The following RNF144B variants were observed in gnomAD, a reference collection of about 807,000 sequenced individuals.
RNF144B encodes E3 ubiquitin-protein ligase RNF144B.
In RNF144B, 25 loss-of-function variants were observed where a neutral mutation model predicts 40.2. The observed-to-expected ratio is 0.62, with a 90% CI of 0.45 to 0.87. The LOEUF (loss-of-function observed/expected upper bound fraction) is 0.87. RNF144B is among the 40% of genes least tolerant of loss of function. RNF144B has a pLI of 0.00. For missense variants in RNF144B, 365 were observed against 373.7 expected (o/e 0.98, Z 0.19); for synonymous variants, 145 against 136.3 (o/e 1.06, Z -0.44).
intron 1 of RNF144B, among the ~76,000 whole-genome samples, chr6:18,391,510 T>G (rs1794579703): frequency 6.6e-6 from 1 of 152,184 alleles, no homozygotes; most frequent in South Asian, 2.1e-4. Flanking sequence ...GGAATGGATT[T>G]CTACCTCTTG....
chr6:18,387,889 C>G (rs1318503436), intron 1 of RNF144B, among the ~76,000 whole-genome samples: 1 of 152,002 alleles, frequency 6.6e-6, no homozygotes, highest in African/African-American at 2.4e-5. Flanking sequence ...TTGTAGAATC[C>G]GAGATTAGAC....
At chr6:18,445,158 G>A (rs1156668168) in intron 4 of RNF144B, among the ~76,000 whole-genome samples, 3 of 152,082 alleles carry the variant, frequency 2.0e-5, no homozygotes, top group African/African-American at 7.2e-5. Context: ...GTTAACTCAA[G>A]TGCATGGTGT....
chr6:18,468,567 C>A lies in RNF144B; in HGVS notation c.*3500C>A, dbSNP rs1233783063. ...ATTATTCTGAATTAAATGTATATTT[C>A]TTTAGCCTTCCCTACACAGTACTAA... On this transcript the variant is annotated 3_prime_UTR_variant, in exon 8 of 8. Coordinates refer to ENST00000259939, the MANE Select transcript of RNF144B (RefSeq NM_182757.4). 5 of 152,002 alleles carry A rather than the reference C, an allele frequency of 3.3e-5. No individual in the cohort carries two copies. Among genetic ancestry groups the A allele is most frequent in the Non-Finnish European group, 7.4e-5 (5 of 67,972 alleles). 9.4% of individuals were successfully genotyped at this position (152,002 alleles called of 1,614,324 possible). A position where few individuals can be genotyped will look rare whatever the true frequency, so the allele number is the denominator to read the frequency against.
At chr6:18,429,421 C>CTTTAT (rs896176200) in intron 3 of RNF144B, among the ~76,000 whole-genome samples, 3 of 152,096 alleles carry the variant, frequency 2.0e-5, no homozygotes, top group Non-Finnish European at 4.4e-5. Flanking sequence ...TTAGTATAGA[C>CTTTAT]AGTTTTTAAC....
In RNF144B at chr6:18,398,500, T is replaced by A. The variant is rs1794734624; in HGVS notation, c.-36-999T>A. Among the ~76,000 whole-genome samples, 1 of 152,202 alleles carries A rather than the reference T, an allele frequency of 6.6e-6. No homozygotes were observed. Among genetic ancestry groups the A allele is most frequent in the Admixed American group, 6.5e-5 (1 of 15,284 alleles). Reference sequence around the variant, plus strand: ...GATTCTCCCGCCTCAGCCTCCTGAGTAGCTGGGATTACAGATGTGCCACTG... The same window carrying A: ...GATTCTCCCGCCTCAGCCTCCTGAGAAGCTGGGATTACAGATGTGCCACTG... On this transcript the variant is annotated intron_variant, in intron 1 of 7. Coordinates refer to ENST00000259939, the MANE Select transcript of RNF144B (RefSeq NM_182757.4). The surrounding 1 kb of genome is among the most constrained non-coding windows in gnomAD (Gnocchi z 5.0).
intron 6 of RNF144B, among the ~76,000 whole-genome samples, chr6:18,462,944 C>G (rs1462454657): frequency 6.6e-6 from 1 of 152,154 alleles, no homozygotes; most frequent in Non-Finnish European, 1.5e-5. Flanking sequence ...GGCATTTTCT[C>G]TCTCCTGGTT....
chr6:18,455,462 C>T (rs1759303955), intron 4 of RNF144B, among the ~76,000 whole-genome samples: 1 of 152,186 alleles, frequency 6.6e-6, no homozygotes, highest in South Asian at 2.1e-4. Flanking sequence ...AAATTATTAA[C>T]TGTAAAAACT....
At chr6:18,453,869 C>T (rs1257949048) in intron 4 of RNF144B, among the ~76,000 whole-genome samples, 2 of 152,162 alleles carry the variant, frequency 1.3e-5, no homozygotes, top group Admixed American at 6.5e-5. Context: ...GAAATAGCCA[C>T]ATCAGCTAAG....
chr6:18,390,872 T>C (rs989593304), intron 1 of RNF144B, among the ~76,000 whole-genome samples: 1 of 152,234 alleles, frequency 6.6e-6, no homozygotes, highest in Non-Finnish European at 1.5e-5. Context: ...TAGAATTTGT[T>C]CTTTGTGTGT....
rs1759084943 is a variant in RNF144B at position 18,446,495 on chromosome 6, GT to G, written c.331+6753del. Among the ~76,000 whole-genome samples, 2 of 152,284 alleles carry G rather than the reference GT, an allele frequency of 1.3e-5. No homozygotes were observed. The highest frequency in any genetic ancestry group is 6.5e-5 in the Admixed American group (1 of 15,298). On this transcript the variant is annotated intron_variant, in intron 4 of 7. Coordinates refer to ENST00000259939, the MANE Select transcript of RNF144B (RefSeq NM_182757.4). This position sits in a 1 kb window ranked among gnomAD's most constrained non-coding sequence, Gnocchi z 4.7. ...AATATCTCTCTGGGTTGTTATTGCT[GT>G]TCTCTGGAAACACCTGAATGTAGGG...
intron 2 of RNF144B, among the ~76,000 whole-genome samples, chr6:18,409,561 C>CTTTT (rs70974741): frequency 0.034 from 3,142 of 93,220 alleles, 399 homozygotes; most frequent in African/African-American, 0.12. Context: ...CTTGCATAAC[C>CTTTT]TTTTTTTTTT....
intron 2 of RNF144B, among the ~76,000 whole-genome samples, chr6:18,413,260 C>G (rs888612534): frequency 6.6e-6 from 1 of 152,116 alleles, no homozygotes; most frequent in African/African-American, 2.4e-5. Flanking sequence ...CTTTTGTGAT[C>G]TTAACCTGAA....
rs1758765977 is a variant in RNF144B at position 18,434,341 on chromosome 6, C to T, written c.271-5343C>T. On this transcript the variant is annotated intron_variant, in intron 3 of 7. Coordinates refer to ENST00000259939, the MANE Select transcript of RNF144B (RefSeq NM_182757.4). This position sits in a 1 kb window ranked among gnomAD's most constrained non-coding sequence, Gnocchi z 4.1. ...GTGAGCAGGCTTCACTTTCTGCCTC[C>T]CTTTTTTGCTTTGTTTTTTTCTGAG... is the stretch of plus-strand genomic sequence containing the variant. Among the ~76,000 whole-genome samples, 1 of 151,558 alleles carries T rather than the reference C, an allele frequency of 6.6e-6. No individual in the cohort carries two copies. Among genetic ancestry groups the T allele is most frequent in the African/African-American group, 2.4e-5 (1 of 41,374 alleles).
chr6:18,387,370 G>T lies in RNF144B; in HGVS notation c.-297G>T. On this transcript the variant is annotated 5_prime_UTR_variant, in exon 1 of 8. Transcript: ENST00000259939. ...CTGGCGAGCTGTGCCCCACGCTCCC[G>T]CTGCAACAGTCCCGGGCATCGCAGC... 2 of 1,154,252 alleles carry T rather than the reference G, an allele frequency of 1.7e-6. No homozygotes were observed. The highest frequency in any genetic ancestry group is 2.2e-6 in the Non-Finnish European group (2 of 921,846). The allele number at this position is 1,154,252 out of a possible 1,614,324, so 71.5% of individuals were successfully genotyped here.
At chr6:18,461,138 A>G (rs1438975636) in intron 6 of RNF144B, among the ~76,000 whole-genome samples, 1 of 152,202 alleles carries the variant, frequency 6.6e-6, no homozygotes, top group Non-Finnish European at 1.5e-5. Flanking sequence ...GTTGTTTAAG[A>G]TGACATGTAT....
chr6:18,390,069 G>C (rs1167050607), intron 1 of RNF144B, among the ~76,000 whole-genome samples: 1 of 152,188 alleles, frequency 6.6e-6, no homozygotes, highest in Non-Finnish European at 1.5e-5. Context: ...TGTGGTCTCT[G>C]TCCGGAAGAA....
intron 1 of RNF144B, among the ~76,000 whole-genome samples, chr6:18,388,628 C>A (rs1794516969): frequency 6.6e-6 from 1 of 152,154 alleles, no homozygotes; most frequent in Non-Finnish European, 1.5e-5. Flanking sequence ...GTTTATCTTT[C>A]CTTCACAACC....
chr6:18,457,419 C>T lies in RNF144B; in HGVS notation c.536+60C>T, dbSNP rs1759354837. ...CTAGTTTTCTTAGAAATTCAACATA[C>T]CTTACGTGTAGAAGGAGTTACGTTG... On this transcript the variant is annotated intron_variant, in intron 5 of 7. Transcript: ENST00000259939. The surrounding 1 kb of genome is among the most constrained non-coding windows in gnomAD (Gnocchi z 5.1). The T allele has an allele frequency of 1.6e-6, 2 of 1,275,298 alleles. No homozygotes were observed. Among genetic ancestry groups the T allele is most frequent in the Non-Finnish European group, 2.3e-6 (2 of 871,324 alleles). The allele number at this position is 1,275,298 out of a possible 1,614,324, so 79.0% of individuals were successfully genotyped here.
At chr6:18,417,077 T>C (rs1795159532) in intron 2 of RNF144B, among the ~76,000 whole-genome samples, 1 of 152,184 alleles carries the variant, frequency 6.6e-6, no homozygotes, top group Non-Finnish European at 1.5e-5. Flanking sequence ...CTCTGAAAAC[T>C]GCAAAATACT....
Sources: allele counts gnomAD v4.1 joint callset (sites outside exome capture counted in the v4.1 genomes callset), GRCh38; gene constraint gnomAD v4.1.1; non-coding constraint Gnocchi (gnomAD v3.1); transcripts MANE v1.5; gene names NCBI Gene and HGNC (gene_info 2026-07-23, HGNC 2026-07-21).